The following SLC35D4 variants were observed in gnomAD, a reference collection of about 807,000 sequenced individuals.
SLC35D4 encodes the protein solute carrier family 35 member D4, also known as UDP-N-acetylglucosamine transporter SLC35D4.
chr18:23,419,419 A>G, the SLC35D4 span, among the ~76,000 whole-genome samples: 1 of 151,938 alleles, frequency 6.6e-6, no homozygotes, highest in African/African-American at 2.4e-5. Flanking sequence ...CAGCCTTTCA[A>G]GTAGCTGGGA....
the SLC35D4 span, among the ~76,000 whole-genome samples, chr18:23,334,984 G>A: frequency 1.3e-5 from 2 of 151,528 alleles, no homozygotes; most frequent in Non-Finnish European, 2.9e-5. Flanking sequence ...CAGCCTGAGC[G>A]ACAGAGCGAG....
At chr18:23,335,201 G>A in the SLC35D4 span, among the ~76,000 whole-genome samples, 18 of 152,080 alleles carry the variant, frequency 1.2e-4, no homozygotes, top group East Asian at 3.5e-3. Context: ...ATGTCTCTAA[G>A]GCACAATGTA....
At chr18:23,297,216 C>CA in the SLC35D4 span, 1 of 152,114 alleles carries the variant, frequency 6.6e-6, no homozygotes, top group African/African-American at 2.4e-5. Flanking sequence ...TTACGTCTGT[C>CA]AATTTAAAAA....
chr18:23,365,647 T>G, the SLC35D4 span: 2 of 1,613,518 alleles, frequency 1.2e-6, no homozygotes, highest in Non-Finnish European at 1.7e-6. Context: ...TGGGATGAGA[T>G]GCAAATGCCA....
chr18:23,374,669 G>C, the SLC35D4 span, among the ~76,000 whole-genome samples: 2 of 152,008 alleles, frequency 1.3e-5, no homozygotes, highest in Non-Finnish European at 2.9e-5. Context: ...ATTTTTAGTA[G>C]AGGTGGGGTT....
chr18:23,370,386 C>T, the SLC35D4 span: 1 of 848,806 alleles, frequency 1.2e-6, no homozygotes, highest in Non-Finnish European at 1.9e-6. Context: ...GGTCCTTTTC[C>T]CTACGAGTGT....
the SLC35D4 span, among the ~76,000 whole-genome samples, chr18:23,292,486 C>A: frequency 6.6e-6 from 1 of 152,218 alleles, no homozygotes; most frequent in African/African-American, 2.4e-5. Flanking sequence ...GTGCAGGCCA[C>A]AGACCCTGCC....
At chr18:23,311,331 A>G in the SLC35D4 span, among the ~76,000 whole-genome samples, 1 of 150,122 alleles carries the variant, frequency 6.7e-6, no homozygotes, top group African/African-American at 2.5e-5. Flanking sequence ...GGCTCAAGCA[A>G]TCCCACCCGC....
chr18:23,340,874 G>A, the SLC35D4 span, among the ~76,000 whole-genome samples: 1 of 152,174 alleles, frequency 6.6e-6, no homozygotes, highest in Admixed American at 6.5e-5. Flanking sequence ...TCTGACCTCC[G>A]CTGCTTCTTC....
chr18:23,437,657 T>TCCA, the SLC35D4 span: 2 of 1,023,822 alleles, frequency 2.0e-6, no homozygotes, highest in Non-Finnish European at 2.9e-6. Flanking sequence ...AGGTTCGCTC[T>TCCA]CCATCTCCAT....
At chr18:23,420,804 T>C in the SLC35D4 span, among the ~76,000 whole-genome samples, 3 of 152,172 alleles carry the variant, frequency 2.0e-5, no homozygotes, top group African/African-American at 7.2e-5. Flanking sequence ...CTCAATTAAC[T>C]TTTTTCCCCA....
the SLC35D4 span, among the ~76,000 whole-genome samples, chr18:23,319,243 G>T: frequency 7.2e-6 from 1 of 139,784 alleles, no homozygotes; most frequent in Admixed American, 7.3e-5. Context: ...TTATTTCAGT[G>T]CTTTATTTAT....
At chr18:23,378,515 C>A in the SLC35D4 span, among the ~76,000 whole-genome samples, 1 of 152,188 alleles carries the variant, frequency 6.6e-6, no homozygotes, top group Non-Finnish European at 1.5e-5. Flanking sequence ...GGAATATAAA[C>A]TTGGCATTTA....
chr18:23,280,849 C>G, the SLC35D4 span, among the ~76,000 whole-genome samples: 13 of 152,164 alleles, frequency 8.5e-5, no homozygotes, highest in Admixed American at 6.5e-4. Flanking sequence ...CATGCCCCCC[C>G]GTCTCCTCTT....
chr18:23,344,600 CTT>C, the SLC35D4 span, among the ~76,000 whole-genome samples: 4,038 of 126,144 alleles, frequency 0.032, 59 homozygotes, highest in Middle Eastern at 0.079. Context: ...TTTTTTTCTT[CTT>C]TTTTTTTTTT....
At chr18:23,420,718 A>G in the SLC35D4 span, among the ~76,000 whole-genome samples, 1 of 152,164 alleles carries the variant, frequency 6.6e-6, no homozygotes, top group Non-Finnish European at 1.5e-5. Flanking sequence ...AAAAATTTTA[A>G]GCTAATATAA....
chr18:23,255,453 A>G, the SLC35D4 span, among the ~76,000 whole-genome samples: 1 of 152,190 alleles, frequency 6.6e-6, no homozygotes, highest in Non-Finnish European at 1.5e-5. Flanking sequence ...ATGGTACAAA[A>G]TCATCTAGCT....
the SLC35D4 span, among the ~76,000 whole-genome samples, chr18:23,277,843 C>T: frequency 4.6e-5 from 7 of 152,176 alleles, no homozygotes; most frequent in African/African-American, 1.7e-4. Context: ...AGGCCAAGGA[C>T]AAGGCCTTGG....
the SLC35D4 span, among the ~76,000 whole-genome samples, chr18:23,317,423 T>C: frequency 6.6e-6 from 1 of 152,182 alleles, no homozygotes; most frequent in East Asian, 1.9e-4. Context: ...ATGATCACTA[T>C]CTCGATCATC....
Sources: gnomAD v4.1 joint callset for allele counts (sites outside exome capture counted in the v4.1 genomes callset) on GRCh38, gnomAD v4.1.1 for gene constraint, MANE v1.5 for transcripts, NCBI Gene and HGNC (gene_info 2026-07-23, HGNC 2026-07-21) for gene names.